The following DAB1 variants were observed in gnomAD, a reference collection of about 807,000 sequenced individuals.
DAB1 encodes the protein disabled homolog 1.
In DAB1, 15 loss-of-function variants were observed where a neutral mutation model predicts 64.6. That is an observed-to-expected ratio of 0.23 (90% confidence interval 0.16 to 0.36). The LOEUF is 0.36. Among genes scored for constraint, DAB1 ranks in the 10% least tolerant of loss-of-function variants. The probability of loss-of-function intolerance (pLI) is 1.00; values close to 1 mark genes in which losing one functional copy is unlikely to be tolerated. For missense variants in DAB1, 596 were observed against 706.7 expected (o/e 0.84, Z 1.78); for synonymous variants, 235 against 251.9 (o/e 0.93, Z 0.64).
At chr1:58,421,481 GT>G (rs1644771594) in intron 3 of DAB1, among the ~76,000 whole-genome samples, 1 of 152,218 alleles carries the variant, frequency 6.6e-6, no homozygotes, top group Non-Finnish European at 1.5e-5. Flanking sequence ...CTTAATTTGT[GT>G]AGAAATATAT....
At chr1:58,497,531 C>T (rs777235946) in intron 3 of DAB1, among the ~76,000 whole-genome samples, 7 of 152,120 alleles carry the variant, frequency 4.6e-5, no homozygotes, top group Non-Finnish European at 7.4e-5. Flanking sequence ...ACTATGCCAC[C>T]CCAAATATGC....
At chr1:58,188,966 A>G (rs976665871) in intron 4 of DAB1, among the ~76,000 whole-genome samples, 2 of 152,226 alleles carry the variant, frequency 1.3e-5, no homozygotes, top group African/African-American at 2.4e-5. Context: ...TCAGGGTTTA[A>G]TTAGCCTTAT....
At chr1:57,516,800 C>T (rs989036823) in intron 7 of DAB1, among the ~76,000 whole-genome samples, 4 of 152,180 alleles carry the variant, frequency 2.6e-5, no homozygotes, top group Admixed American at 6.5e-5. Context: ...TACCAGAATG[C>T]TTTCCCCATC....
intron 1 of DAB1, among the ~76,000 whole-genome samples, chr1:57,833,929 AATTACATTTC>A (rs2101907296): frequency 6.6e-6 from 1 of 152,320 alleles, no homozygotes; most frequent in African/African-American, 2.4e-5. Flanking sequence ...TATCATATTA[AATTACATTTC>A]ATTACATTTT....
intron 2 of DAB1, among the ~76,000 whole-genome samples, chr1:57,177,409 G>A (rs1371784732): frequency 6.6e-6 from 1 of 151,916 alleles, no homozygotes; most frequent in African/African-American, 2.4e-5. Context: ...AATTTTCCAG[G>A]CTCCAACCTG....
At chr1:57,865,015 T>G (rs1319653586) in intron 1 of DAB1, 1 of 152,304 alleles carries the variant, frequency 6.6e-6, no homozygotes, top group East Asian at 1.9e-4. Context: ...AGTTTACTTC[T>G]TGTTTGCAAA....
chr1:58,243,847 T>C (rs6662819), intron 4 of DAB1, among the ~76,000 whole-genome samples: 82,125 of 151,832 alleles, frequency 0.54, 23,754 homozygotes, highest in Non-Finnish European at 0.67. Flanking sequence ...TGATGCCTGA[T>C]AGTAGAATGG....
chr1:58,225,746 G>A (rs572669401), intron 4 of DAB1, among the ~76,000 whole-genome samples: 19 of 145,346 alleles, frequency 1.3e-4, no homozygotes, highest in African/African-American at 4.3e-4. Flanking sequence ...TCACTCATAG[G>A]TGGGAATTGA....
intron 5 of DAB1, among the ~76,000 whole-genome samples, chr1:57,919,109 G>A (rs2102020165): frequency 6.6e-6 from 1 of 152,282 alleles, no homozygotes; most frequent in South Asian, 2.1e-4. Context: ...CATTCACTAT[G>A]TGTCCCTGGA....
chr1:58,222,040 T>C (rs752939180), intron 4 of DAB1, among the ~76,000 whole-genome samples: 1 of 152,186 alleles, frequency 6.6e-6, no homozygotes, highest in Non-Finnish European at 1.5e-5. Flanking sequence ...CATTAGAATA[T>C]GCTTTAGGCA....
chr1:57,583,475 T>G (rs1182537537), intron 7 of DAB1, among the ~76,000 whole-genome samples: 1 of 151,994 alleles, frequency 6.6e-6, no homozygotes, highest in Non-Finnish European at 1.5e-5. Context: ...TTAGTACAGA[T>G]GGGGTTTCAC....
At position 57,044,055 on chromosome 1, in the gene DAB1, T is replaced by C. The variant is rs1648148666; in HGVS notation, c.724-18012A>G. Among the ~76,000 whole-genome samples the C allele has an allele frequency of 2.0e-5, 3 of 152,178 alleles. No individual in the cohort carries two copies. In the South Asian group the frequency reaches 6.2e-4, roughly 31 times the overall value. On this transcript the variant is annotated intron_variant, in intron 9 of 14. Transcript: ENST00000371236. ...AGGCTTTTGCCCTTGTCTTTCTCTG[T>C]TCCTGGCACACTCTTCATCTGATTG...
At chr1:58,397,104 G>C (rs1270363152) in intron 3 of DAB1, among the ~76,000 whole-genome samples, 1 of 151,898 alleles carries the variant, frequency 6.6e-6, no homozygotes. Flanking sequence ...AAACAGAGAG[G>C]GCAAGAGAGA....
intron 5 of DAB1, among the ~76,000 whole-genome samples, chr1:58,081,204 T>C (rs1452708546): frequency 6.6e-6 from 1 of 152,140 alleles, no homozygotes; most frequent in Non-Finnish European, 1.5e-5. Flanking sequence ...CCTAAAAAAG[T>C]GTTCATTTTA....
intron 4 of DAB1, among the ~76,000 whole-genome samples, chr1:58,276,880 A>C (rs1174595523): frequency 1.3e-5 from 2 of 152,112 alleles, no homozygotes; most frequent in Non-Finnish European, 2.9e-5. Flanking sequence ...GACTTGATGA[A>C]GGGGAGTGTT....
intron 4 of DAB1, among the ~76,000 whole-genome samples, chr1:58,283,352 G>C (rs1325391025): frequency 6.6e-6 from 1 of 152,196 alleles, no homozygotes; most frequent in African/African-American, 2.4e-5. Flanking sequence ...TGCTCAGCTA[G>C]AAATGACCCT....
intron 6 of DAB1, among the ~76,000 whole-genome samples, chr1:57,692,029 G>C (rs1425047742): frequency 6.6e-6 from 1 of 152,004 alleles, no homozygotes; most frequent in African/African-American, 2.4e-5. Flanking sequence ...CACTTTTCCT[G>C]TACTTCTGGG....
At chr1:57,202,468 CT>C (rs1665184588) in intron 2 of DAB1, among the ~76,000 whole-genome samples, 1 of 152,092 alleles carries the variant, frequency 6.6e-6, no homozygotes, top group African/African-American at 2.4e-5. Flanking sequence ...AGGTCTGTAA[CT>C]AAGATCCGTT....
intron 2 of DAB1, among the ~76,000 whole-genome samples, chr1:57,205,398 G>C (rs1350187888): frequency 6.6e-6 from 1 of 152,202 alleles, no homozygotes; most frequent in Non-Finnish European, 1.5e-5. Flanking sequence ...GCGTAGCCAT[G>C]GGGCAGGCAG....
Sources: allele counts gnomAD v4.1 joint callset (sites outside exome capture counted in the v4.1 genomes callset), GRCh38; gene constraint gnomAD v4.1.1; transcripts MANE v1.5; gene names NCBI Gene and HGNC (gene_info 2026-07-23, HGNC 2026-07-21).